The following CTTN variants were observed in gnomAD, a reference collection of about 807,000 sequenced individuals.
CTTN encodes src substrate cortactin.
In CTTN, 28 loss-of-function variants were observed where a neutral mutation model predicts 84.0. The observed-to-expected ratio is 0.33, with a 90% CI of 0.25 to 0.46. CTTN has a LOEUF of 0.46. Ranked by LOEUF, CTTN falls within the 20% of genes least tolerant of loss-of-function variation. The pLI, the probability that CTTN is intolerant of heterozygous loss-of-function variation, is 1.00. For missense variants in CTTN, 641 were observed against 723.8 expected, an observed-to-expected ratio of 0.89 and a Z score of 1.31; for synonymous variants, 301 against 288.8, an observed-to-expected ratio of 1.04 and a Z score of -0.43.
chr11:70,404,713 A>G (rs2058023228), intron 1 of CTTN, among the ~76,000 whole-genome samples: 1 of 152,244 alleles, frequency 6.6e-6, no homozygotes, highest in East Asian at 1.9e-4. Context: ...CATAAGAAAC[A>G]TCATGTAGGC....
chr11:70,429,404 G>A (rs915799715), intron 14 of CTTN, among the ~76,000 whole-genome samples: 1 of 152,178 alleles, frequency 6.6e-6, no homozygotes, highest in Non-Finnish European at 1.5e-5. Context: ...AATGCTCCAG[G>A]CAGCCGGCTA....
Position 70,431,092 on chromosome 11 carries a change from G to T in CTTN, c.1177-99G>T, listed in dbSNP as rs1377650995. ...GGTGTTTTCCACTCCTTTCCCCAGA[G>T]CATGCCTAGAGCTTGCACACGATCT... On this transcript the variant is annotated intron_variant, in intron 14 of 17. Transcript: ENST00000301843. 2.4e-6 allele frequency: 3 copies of T among 1,244,494 alleles called. No homozygotes were observed. In the African/African-American group the frequency reaches 4.4e-5, roughly 18 times the overall value. The allele number at this position is 1,244,494 out of a possible 1,614,324, so 77.1% of individuals were successfully genotyped here. A position where few individuals can be genotyped will look rare whatever the true frequency, so the allele number is the denominator to read the frequency against.
chr11:70,420,355 C>T (rs2058217071), intron 9 of CTTN, 45 bp from the exon 10 acceptor site: 1 of 1,263,194 alleles, frequency 7.9e-7, no homozygotes, highest in Non-Finnish European at 1.2e-6. Flanking sequence ...CTGTGACCTG[C>T]ACTACCTGTT....
chr11:70,409,447 C>T (rs2058076595), intron 4 of CTTN, among the ~76,000 whole-genome samples: 1 of 152,136 alleles, frequency 6.6e-6, no homozygotes, highest in Non-Finnish European at 1.5e-5. Flanking sequence ...TGCCAGTGGC[C>T]GAGGAAGGGA....
chr11:70,416,913 T>C lies in CTTN; in HGVS notation c.458-100T>C, dbSNP rs569843993. 18 of 818,582 alleles carry C rather than the reference T, an allele frequency of 2.2e-5. No individual in the cohort carries two copies. In the African/African-American group the frequency reaches 2.8e-4, roughly 13 times the overall value. 50.7% of individuals were successfully genotyped at this position (818,582 alleles called of 1,614,324 possible). On this transcript the variant is annotated intron_variant, in intron 7 of 17. Coordinates refer to ENST00000301843, the MANE Select transcript of CTTN (RefSeq NM_005231.4). ...ATTTTAAAATGTGCGCTTGATGTGT[T>C]TGTGAGTTGTAACCCCTACACACTT...
At chr11:70,403,056 A>G (rs543321739) in intron 1 of CTTN, among the ~76,000 whole-genome samples, 1 of 152,248 alleles carries the variant, frequency 6.6e-6, no homozygotes, top group Admixed American at 6.5e-5. Context: ...CTTGGTGGTT[A>G]ATGACATTGA....
rs368185387 is a variant in CTTN, at chr11:70,407,499, T to G, written c.88-19T>G. The G allele has an allele frequency of 8.1e-5, 130 of 1,613,948 alleles. No homozygotes were observed. Among genetic ancestry groups the G allele is most frequent in the Non-Finnish European group, 1.1e-4 (125 of 1,179,978 alleles). ...TCACAATCCAGGCTGTGAGATTTACTGGTCGCTTTTCTTTTCAGAATGATG... is the reference window on the plus strand; with the variant it reads ...TCACAATCCAGGCTGTGAGATTTACGGGTCGCTTTTCTTTTCAGAATGATG... On this transcript the variant is annotated intron_variant, in intron 3 of 17. Transcript: ENST00000301843.
chr11:70,428,464 A>G (rs1325187510), intron 13 of CTTN, among the ~76,000 whole-genome samples: 2 of 151,890 alleles, frequency 1.3e-5, no homozygotes, highest in African/African-American at 4.8e-5. Context: ...ATGCCCGGCC[A>G]TATTCCCCAC....
chr11:70,419,567 A>G (rs746645020), intron 8 of CTTN, among the ~76,000 whole-genome samples, 179 bp from the exon 9 acceptor site: 41 of 152,122 alleles, frequency 2.7e-4, no homozygotes, highest in Non-Finnish European at 5.3e-4. Context: ...ACCTCTGGTT[A>G]CCACTGTTTG....
At chr11:70,430,568 C>CA in intron 14 of CTTN, among the ~76,000 whole-genome samples, 1 of 152,210 alleles carries the variant, frequency 6.6e-6, no homozygotes, top group East Asian at 1.9e-4. Flanking sequence ...GAGTTCTCCC[C>CA]ATCACAGAAC....
intron 10 of CTTN, 81 bp downstream of exon 10, chr11:70,420,591 T>G (rs1288816009): frequency 1.0e-6 from 1 of 986,344 alleles, no homozygotes; most frequent in Non-Finnish European, 1.6e-6. Context: ...ATGTGTTGTG[T>G]CTGCGTGTGC....
chr11:70,412,909 C>G (rs1008802298), intron 5 of CTTN, among the ~76,000 whole-genome samples: 9 of 152,240 alleles, frequency 5.9e-5, no homozygotes, highest in African/African-American at 2.2e-4. Context: ...GTCTTTAGAT[C>G]AGTTTTCCTG....
At chr11:70,423,112 G>C in intron 12 of CTTN, 117 bp downstream of exon 12, 7 of 1,009,874 alleles carry the variant, frequency 6.9e-6, no homozygotes, top group Non-Finnish European at 1.0e-5. Context: ...GATTTCCGTC[G>C]TGGTGGTGGT....
intron 12 of CTTN, among the ~76,000 whole-genome samples, chr11:70,424,328 G>T (rs2058276806): frequency 6.6e-6 from 1 of 152,142 alleles, no homozygotes; most frequent in Non-Finnish European, 1.5e-5. Context: ...AGCATTGCTG[G>T]TGTTGGCGGT....
chr11:70,420,215 G>T, intron 9 of CTTN, 185 bp from the exon 10 acceptor site: 1 of 617,156 alleles, frequency 1.6e-6, no homozygotes, highest in South Asian at 2.0e-5. Context: ...CATAGACTAG[G>T]TTATTTCCTG....
chr11:70,435,257 T>TG lies in CTTN; in HGVS notation c.*95_*96insG, dbSNP rs2058403806. 4.1e-6 allele frequency: 4 copies of TG among 980,252 alleles called. No individual in the cohort carries two copies. Among genetic ancestry groups the TG allele is most frequent in the African/African-American group, 3.7e-5 (2 of 54,714 alleles). 60.7% of individuals were successfully genotyped at this position (980,252 alleles called of 1,614,324 possible). A position where few individuals can be genotyped will look rare whatever the true frequency, so the allele number is the denominator to read the frequency against. On this transcript the variant is annotated 3_prime_UTR_variant, in exon 18 of 18. Transcript: ENST00000301843. Reference sequence around the variant, plus strand: ...GGGTGGTTTTGGGTTTTTTCTGTTTTTTTTTTTTTTTTTTTTTTTTTGAAG... The same window carrying TG: ...GGGTGGTTTTGGGTTTTTTCTGTTTTGTTTTTTTTTTTTTTTTTTTTTGAAG...
At chr11:70,398,902 G>A (rs2135538909) in intron 1 of CTTN, among the ~76,000 whole-genome samples, 1 of 151,666 alleles carries the variant, frequency 6.6e-6, no homozygotes, top group South Asian at 2.1e-4. Context: ...CGCGGAGGAA[G>A]GTTAGAAAGG....
At chr11:70,432,861 G>C (rs776103188) in intron 15 of CTTN, among the ~76,000 whole-genome samples, 2 of 152,192 alleles carry the variant, frequency 1.3e-5, no homozygotes, top group Non-Finnish European at 2.9e-5. Context: ...GGTTATTGCA[G>C]GACTGGAGTG....
chr11:70,422,449 T>C (rs2058248386), intron 11 of CTTN: 1 of 1,206,264 alleles, frequency 8.3e-7, no homozygotes, highest in Non-Finnish European at 1.1e-6. Context: ...TCTGTGTTGC[T>C]GCAACGGAAG....
Sources: gnomAD v4.1 joint callset for allele counts (sites outside exome capture counted in the v4.1 genomes callset) on GRCh38, gnomAD v4.1.1 for gene constraint, MANE v1.5 for transcripts, NCBI Gene and HGNC (gene_info 2026-07-23, HGNC 2026-07-21) for gene names.